The following AIM2 variants were observed in gnomAD, a reference collection of about 807,000 sequenced individuals.
The protein encoded by AIM2 is absent in melanoma 2.
Under a neutral mutation model 27.7 loss-of-function variants are expected in AIM2, and 30 were observed. That is an observed-to-expected ratio of 1.08 (90% CI 0.81 to 1.47). The LOEUF (loss-of-function observed/expected upper bound fraction) is 1.47, where lower values mean the gene tolerates loss of function less well. Ranked by LOEUF, AIM2 falls within the 40% of genes most tolerant of loss-of-function variation. The pLI, the probability that AIM2 is intolerant of heterozygous loss-of-function variation, is 0.00. For missense variants in AIM2, 358 were observed against 411.3 expected, an observed-to-expected ratio of 0.87 and a Z score of 1.12; for synonymous variants, 141 against 145.3, an observed-to-expected ratio of 0.97 and a Z score of 0.21.
At chr1:159,063,107 C>T (rs1034783027) in intron 5 of AIM2, among the ~76,000 whole-genome samples, 3 of 152,096 alleles carry the variant, frequency 2.0e-5, no homozygotes, top group Non-Finnish European at 4.4e-5. Context: ...TAGGTGCAGA[C>T]GTGGTGGGAC....
intron 1 of AIM2, among the ~76,000 whole-genome samples, chr1:159,096,345 C>T (rs576538037): frequency 9.2e-5 from 14 of 151,720 alleles, no homozygotes; most frequent in African/African-American, 3.4e-4. Context: ...AATATAATGC[C>T]TATCTTGCAG....
intron 1 of AIM2, among the ~76,000 whole-genome samples, chr1:159,139,501 C>T (rs554042508): frequency 6.6e-6 from 1 of 152,274 alleles, no homozygotes; most frequent in South Asian, 2.1e-4. Context: ...CCATTTTTTA[C>T]ACTTGTAGGA....
intron 1 of AIM2, among the ~76,000 whole-genome samples, chr1:159,123,160 T>C (rs1647586878): frequency 6.6e-6 from 1 of 152,218 alleles, no homozygotes; most frequent in Non-Finnish European, 1.5e-5. Flanking sequence ...GTCATTATCA[T>C]AGTTATTTAT....
At chr1:159,059,390 TTTTC>T (rs1655759849), downstream of AIM2, among the ~76,000 whole-genome samples, 1 of 152,152 alleles carries the variant, frequency 6.6e-6, no homozygotes, top group African/African-American at 2.4e-5. Flanking sequence ...CAGAAGCCAG[TTTTC>T]TCATCTTTGA....
intron 1 of AIM2, among the ~76,000 whole-genome samples, chr1:159,126,506 G>C (rs1457160835): frequency 6.6e-6 from 1 of 152,010 alleles, no homozygotes; most frequent in African/African-American, 2.4e-5. Context: ...AAAATTAGCT[G>C]GGTATGGTGG....
chr1:159,107,588 CA>C (rs1219947041), intron 1 of AIM2, among the ~76,000 whole-genome samples: 2 of 151,152 alleles, frequency 1.3e-5, no homozygotes, highest in South Asian at 2.1e-4. Flanking sequence ...GAAATTGAAA[CA>C]AAAAAATATG....
At chr1:159,092,610 A>G (rs1025893365) in intron 1 of AIM2, among the ~76,000 whole-genome samples, 1 of 152,214 alleles carries the variant, frequency 6.6e-6, no homozygotes, top group Non-Finnish European at 1.5e-5. Context: ...CTCTAGGCCC[A>G]GCCACAACTC....
chr1:159,134,110 A>G (rs752748042), intron 1 of AIM2, among the ~76,000 whole-genome samples: 7 of 152,046 alleles, frequency 4.6e-5, no homozygotes, highest in Admixed American at 1.3e-4. Context: ...TTTCTTGTCA[A>G]CTCTTTCCCC....
intron 1 of AIM2, among the ~76,000 whole-genome samples, chr1:159,137,622 A>C (rs1479848523): frequency 6.6e-6 from 1 of 152,168 alleles, no homozygotes; most frequent in East Asian, 1.9e-4. Flanking sequence ...ATGCCACTGC[A>C]CTCCAGCCTG....
the AIM2 span, among the ~76,000 whole-genome samples, chr1:159,056,462 T>C: frequency 6.6e-6 from 1 of 151,942 alleles, no homozygotes; most frequent in Non-Finnish European, 1.5e-5. Context: ...AACTGCTTCC[T>C]GCTGACAGGG....
downstream of AIM2, among the ~76,000 whole-genome samples, chr1:159,060,134 T>C (rs1429546612): frequency 6.6e-6 from 1 of 152,240 alleles, no homozygotes; most frequent in Admixed American, 6.5e-5. Context: ...AATATGAACA[T>C]AATTACTAGT....
chr1:159,109,488 A>G lies in AIM2; in HGVS notation c.-16+30943T>C, dbSNP rs929061634. Among the ~76,000 whole-genome samples the G allele has an allele frequency of 2.6e-5, 4 of 152,360 alleles. No homozygotes were observed. In the East Asian group the frequency reaches 5.8e-4, roughly 22 times the overall value. ...ATAACATTGGAAAAAACCCTTCTAG[A>G]CATTGCCTTAGGCAAGAATTTCATG... On this transcript the variant is annotated intron_variant, in intron 1 of 2. Coordinates refer to the AIM2 transcript ENST00000368129.
chr1:159,065,026 G>A (rs1312129624), intron 4 of AIM2, among the ~76,000 whole-genome samples: 2 of 152,128 alleles, frequency 1.3e-5, no homozygotes, highest in African/African-American at 4.8e-5. Flanking sequence ...TCCTATCCAA[G>A]GTCATTTTAC....
upstream of AIM2, among the ~76,000 whole-genome samples, chr1:159,078,063 A>C (rs912630971): frequency 6.6e-6 from 1 of 152,142 alleles, no homozygotes; most frequent in African/African-American, 2.4e-5. Flanking sequence ...GACCTCCTTC[A>C]CTTTCTACTG....
chr1:159,061,838 C>T (rs1020026772), downstream of AIM2, among the ~76,000 whole-genome samples: 3 of 152,056 alleles, frequency 2.0e-5, no homozygotes, highest in African/African-American at 7.2e-5. Flanking sequence ...AATTATTAAG[C>T]ATTTATGTTA....
At chr1:159,137,239 T>C (rs1648026545) in intron 1 of AIM2, among the ~76,000 whole-genome samples, 1 of 152,166 alleles carries the variant, frequency 6.6e-6, no homozygotes, top group Non-Finnish European at 1.5e-5. Context: ...TTATAATGAT[T>C]GGGGGCCACG....
At chr1:159,058,582 C>G (rs894977537), downstream of AIM2, among the ~76,000 whole-genome samples, 1 of 151,896 alleles carries the variant, frequency 6.6e-6, no homozygotes, top group African/African-American at 2.4e-5. Flanking sequence ...CCCCTGGAAG[C>G]GACAACGGGG....
chr1:159,061,282 T>C (rs1448249774), downstream of AIM2, among the ~76,000 whole-genome samples: 1 of 152,210 alleles, frequency 6.6e-6, no homozygotes, highest in Non-Finnish European at 1.5e-5. Flanking sequence ...GTTGAGTGTA[T>C]TTTTATGTGC....
At chr1:159,084,022 T>C (rs113515928) in intron 1 of AIM2, among the ~76,000 whole-genome samples, 2,223 of 152,336 alleles carry the variant, frequency 0.015, 67 homozygotes, top group African/African-American at 0.05. Flanking sequence ...GAGATCTTTT[T>C]CACAGGCTAT....
Sources: gnomAD v4.1 joint callset for allele counts (sites outside exome capture counted in the v4.1 genomes callset) on GRCh38, gnomAD v4.1.1 for gene constraint, MANE v1.5 for transcripts, NCBI Gene and HGNC (gene_info 2026-07-23, HGNC 2026-07-21) for gene names.